PAK3: variants seen among roughly 807,000 people sequenced by gnomAD.
The protein encoded by PAK3 is p21 (RAC1) activated kinase 3, also known as serine/threonine-protein kinase PAK 3.
Under a neutral mutation model 41.0 loss-of-function variants are expected in PAK3, and 4 were observed. The observed-to-expected ratio is 0.10, with a 90% CI of 0.05 to 0.22. The LOEUF (loss-of-function observed/expected upper bound fraction) is 0.22, where lower values mean the gene tolerates loss of function less well. Among genes scored for constraint, PAK3 ranks in the 10% least tolerant of loss-of-function variants. PAK3 has a pLI of 1.00. For synonymous variants in PAK3, 146 were observed against 139.6 expected (o/e 1.05, Z -0.32); for missense variants, 205 against 409.9 (o/e 0.50, Z 4.32).
chrX:110,957,166 T>A lies in PAK3; in HGVS notation c.-28+12538T>A, dbSNP rs564391198. The stretch of plus-strand genomic sequence containing the variant: ...CTACTTTTACTTCTATGAATAACAA[T>A]AAATTATAGCTAACAGTTATTGTGT... On this transcript the variant is annotated intron_variant, in intron 1 of 14. Transcript: ENST00000425146. Among the ~76,000 whole-genome samples, 453 of 112,462 alleles carry A rather than the reference T, an allele frequency of 4.0e-3. 1 individual carries two copies. Among genetic ancestry groups the A allele is most frequent in the African/African-American group, 0.013 (416 of 30,976 alleles).
intron 1 of PAK3, among the ~76,000 whole-genome samples, chrX:111,069,655 G>T (rs1048662226): frequency 9.1e-6 from 1 of 109,540 alleles, no homozygotes; most frequent in Non-Finnish European, 1.9e-5. Context: ...TCATATCTCA[G>T]AACAGGGGCC....
chrX:111,127,619 A>G (rs1386898951), intron 5 of PAK3, among the ~76,000 whole-genome samples: 1 of 111,048 alleles, frequency 9.0e-6, no homozygotes, highest in Non-Finnish European at 1.9e-5. Context: ...GAGACATCCT[A>G]ACCATATGGG....
intron 4 of PAK3, among the ~76,000 whole-genome samples, chrX:111,108,520 G>A (rs1046367928): frequency 1.5e-4 from 17 of 112,330 alleles, no homozygotes; most frequent in Non-Finnish European, 3.0e-4. Context: ...CAGATCAGCA[G>A]CAACATTAGA....
intron 1 of PAK3, among the ~76,000 whole-genome samples, chrX:111,002,929 A>G (rs1378056802): frequency 3.6e-5 from 4 of 111,742 alleles, no homozygotes; most frequent in African/African-American, 9.8e-5. Context: ...TGCAACATCA[A>G]CATCACCTGG....
intron 10 of PAK3, among the ~76,000 whole-genome samples, chrX:111,165,635 A>G (rs1028739995): frequency 5.3e-5 from 6 of 112,629 alleles, no homozygotes; most frequent in Non-Finnish European, 1.1e-4. Context: ...AATTATTCAG[A>G]CAATTGGCAC....
chrX:110,981,615 A>T (rs1305289657), intron 1 of PAK3, among the ~76,000 whole-genome samples: 1 of 110,607 alleles, frequency 9.0e-6, no homozygotes, highest in Non-Finnish European at 1.9e-5. Context: ...AAAGGTTAAC[A>T]TTTGGGGAAT....
At chrX:110,972,703 T>C (rs776891483) in intron 1 of PAK3, among the ~76,000 whole-genome samples, 1 of 111,882 alleles carries the variant, frequency 8.9e-6, no homozygotes, top group East Asian at 2.8e-4. Context: ...AAGCTGGACA[T>C]AGAATGACTT....
At chrX:111,009,471 T>A (rs1215656391) in intron 1 of PAK3, among the ~76,000 whole-genome samples, 1 of 87,457 alleles carries the variant, frequency 1.1e-5, no homozygotes, top group Non-Finnish European at 2.3e-5. Context: ...CAGCACAATG[T>A]CAGCTGCCCA....
chrX:111,143,602 A>C (rs1353504761), intron 6 of PAK3, among the ~76,000 whole-genome samples: 1 of 111,288 alleles, frequency 9.0e-6, no homozygotes, highest in Non-Finnish European at 1.9e-5. Flanking sequence ...CCACACTTAG[A>C]TACTCCAACC....
rs2094929966 is a variant in PAK3, at chrX:111,221,905, T to C, written c.*1458T>C. ...AATGTCAGTCCGACAGAATTCCTTA[T>C]ATGACTTGGGGAAAATAACAAAATT... On this transcript the variant is annotated 3_prime_UTR_variant, in exon 18 of 18. Coordinates refer to ENST00000372007, the MANE Select transcript of PAK3 (RefSeq NM_002578.5). 1 of 112,181 alleles carries C rather than the reference T, an allele frequency of 8.9e-6. No homozygotes were observed. Among genetic ancestry groups the C allele is most frequent in the African/African-American group, 3.2e-5 (1 of 30,891 alleles). 9.2% of individuals were successfully genotyped at this position (112,181 alleles called of 1,213,427 possible). A position where few individuals can be genotyped will look rare whatever the true frequency, so the allele number is the denominator to read the frequency against.
At position 111,224,809 on chromosome X, in the gene PAK3, T is replaced by C. The variant is rs185806416; in HGVS notation, c.*4362T>C. The C allele has an allele frequency of 8.9e-6, 1 of 112,711 alleles. No individual in the cohort carries two copies. Among genetic ancestry groups the C allele is most frequent in the East Asian group, 2.8e-4 (1 of 3,583 alleles). The allele number at this position is 112,711 out of a possible 1,213,427, so 9.3% of individuals were successfully genotyped here. On this transcript the variant is annotated 3_prime_UTR_variant, in exon 18 of 18. Coordinates refer to ENST00000372007, the MANE Select transcript of PAK3 (RefSeq NM_002578.5). ...CCTCAGATATGCTGCTTAGTTTCAC[T>C]AAAAGCAGACCCTATACCTAGAGAA...
chrX:110,946,983 A>C (rs751357413), intron 1 of PAK3, among the ~76,000 whole-genome samples: 1 of 112,152 alleles, frequency 8.9e-6, no homozygotes, highest in East Asian at 2.8e-4. Context: ...TCGTGCAATT[A>C]AGCCAGAACA....
chrX:111,185,652 G>A (rs774059599), intron 11 of PAK3, among the ~76,000 whole-genome samples: 1 of 111,177 alleles, frequency 9.0e-6, no homozygotes, highest in African/African-American at 3.3e-5. Flanking sequence ...ATTAAATAGG[G>A]AATCCTTTCC....
At chrX:111,004,780 C>G (rs903569528) in intron 1 of PAK3, among the ~76,000 whole-genome samples, 2 of 112,170 alleles carry the variant, frequency 1.8e-5, no homozygotes, top group African/African-American at 6.5e-5. Context: ...TAATGGTTGT[C>G]TAGGAATACA....
chrX:111,044,098 G>T (rs1347791095), intron 1 of PAK3, among the ~76,000 whole-genome samples: 1 of 111,891 alleles, frequency 8.9e-6, no homozygotes, highest in African/African-American at 3.2e-5. Flanking sequence ...GAAACCCAAA[G>T]TATGTCACAT....
chrX:110,948,572 A>G (rs1368744326), intron 1 of PAK3, among the ~76,000 whole-genome samples: 3 of 111,908 alleles, frequency 2.7e-5, no homozygotes, highest in South Asian at 7.5e-4. Context: ...GACTGCTATT[A>G]ATTCCCAGAA....
At chrX:111,049,120 T>C (rs1309417406) in intron 1 of PAK3, among the ~76,000 whole-genome samples, 1 of 111,538 alleles carries the variant, frequency 9.0e-6, no homozygotes, top group East Asian at 2.8e-4. Flanking sequence ...TCTTTTCTCT[T>C]CTTGGAATGT....
intron 1 of PAK3, among the ~76,000 whole-genome samples, chrX:110,973,345 A>G (rs1489728699): frequency 1.8e-5 from 2 of 112,488 alleles, no homozygotes; most frequent in African/African-American, 3.2e-5. Flanking sequence ...AGGGAAACCC[A>G]TCAGACTAAC....
At chrX:111,076,103 G>T in intron 1 of PAK3, among the ~76,000 whole-genome samples, 1 of 112,100 alleles carries the variant, frequency 8.9e-6, no homozygotes, top group East Asian at 2.8e-4. Flanking sequence ...TAGGTCTCCA[G>T]ATGAGACTTT....
Sources: gnomAD v4.1 joint callset for allele counts (sites outside exome capture counted in the v4.1 genomes callset) on GRCh38, gnomAD v4.1.1 for gene constraint, MANE v1.5 for transcripts, NCBI Gene and HGNC (gene_info 2026-07-23, HGNC 2026-07-21) for gene names.